The following AGRN variants were observed in gnomAD, a reference collection of about 807,000 sequenced individuals.
AGRN encodes agrin proteoglycan.
A neutral mutation model predicts 211.0 loss-of-function variants in AGRN; 106 were observed. That is an observed-to-expected ratio of 0.50 (90% confidence interval 0.43 to 0.59). The LOEUF (loss-of-function observed/expected upper bound fraction) is 0.59. AGRN is among the 20% of genes least tolerant of loss of function. The probability of loss-of-function intolerance (pLI) is 0.00; values close to 1 mark genes in which losing one functional copy is unlikely to be tolerated. For missense variants in AGRN, 3,040 were observed against 2,982.6 expected, an observed-to-expected ratio of 1.02 and a Z score of -0.45; for synonymous variants, 1,525 against 1,332.5, an observed-to-expected ratio of 1.14 and a Z score of -3.15.
Position 1,020,136 on chromosome 1 carries a change from C to G in AGRN, c.-37C>G, listed in dbSNP as rs1490587792. ...GTCCTGTCCAGTCCCGTCCCCGGCG[C>G]GGCCCGCGCGCTCCTCCGCCGCCTC... On this transcript the variant is annotated 5_prime_UTR_variant, in exon 1 of 36. Coordinates refer to ENST00000379370, the MANE Select transcript of AGRN (RefSeq NM_198576.4). 10 of 1,114,044 alleles carry G rather than the reference C, an allele frequency of 9.0e-6. No individual in the cohort carries two copies. The highest frequency in any genetic ancestry group is 1.1e-5 in the Non-Finnish European group (10 of 871,626). 69.0% of individuals were successfully genotyped at this position (1,114,044 alleles called of 1,614,324 possible).
At chr1:1,051,423 G>A in intron 31 of AGRN, 30 bp from the exon 32 acceptor site, 1 of 1,541,166 alleles carries the variant, frequency 6.5e-7, no homozygotes, top group Non-Finnish European at 8.7e-7. Flanking sequence ...GGGGTGGCAG[G>A]CGGGACAAGG....
intron 33 of AGRN, chr1:1,052,328 C>T (rs892598079): frequency 2.9e-6 from 1 of 349,476 alleles, no homozygotes; most frequent in African/African-American, 2.1e-5. Context: ...CTGTGCGTGT[C>T]TATGTATATG....
In AGRN at chr1:1,043,784, C is replaced by T. The variant is rs529233907; in HGVS notation, c.1799-39C>T. On this transcript the variant is annotated intron_variant, in intron 9 of 35. Transcript: ENST00000379370. ...GCCAGGGTCCTGTGCCTCCCTCAGC[C>T]TGGGCCTGCCGACCCCTGCCTGGCT... 5.0e-6 allele frequency: 8 copies of T among 1,606,932 alleles called. No individual in the cohort carries two copies. The South Asian group carries it at 7.7e-5, about 15-fold the overall frequency.
intron 33 of AGRN, chr1:1,052,039 CG>C: frequency 6.6e-7 from 1 of 1,506,200 alleles, no homozygotes; most frequent in Non-Finnish European, 8.9e-7. Context: ...CGGCGCCCCC[CG>C]CTCCCTCTCA....
In AGRN at chr1:1,048,926, C is replaced by T. The variant is rs775753706; in HGVS notation, c.4165C>T (p.Arg1389Cys). Residue 1389 changes from arginine to cysteine, a missense_variant, in exon 24 of 36, where the codon CGC becomes TGC. Physicochemically the swap from Arg to Cys is radical, Grantham distance 180. Transcript: ENST00000379370. This position sits in a 1 kb window ranked among gnomAD's most constrained non-coding sequence, Gnocchi z 5.9. ...GRSFLAFPTL[R>C]AYHTLRLALE... Reference sequence around the variant, plus strand: ...CTCCTTCCTGGCCTTCCCCACTCTCCGCGCCTACCACACGCTGCGCCTGGC... The same window carrying T: ...CTCCTTCCTGGCCTTCCCCACTCTCTGCGCCTACCACACGCTGCGCCTGGC... 1.0e-5 allele frequency: 16 copies of T among 1,560,594 alleles called. No individual in the cohort carries two copies. The highest frequency in any genetic ancestry group is 4.1e-5 in the African/African-American group (3 of 73,548).
chr1:1,020,511 G>C (rs555803746), intron 1 of AGRN, 138 bp downstream of exon 1: 4 of 815,160 alleles, frequency 4.9e-6, no homozygotes, highest in Admixed American at 4.4e-5. Context: ...AGCCCCGGGA[G>C]GGGGGGTCGC....
intron 2 of AGRN, among the ~76,000 whole-genome samples, chr1:1,027,511 C>T (rs4970394): frequency 0.51 from 77,838 of 152,124 alleles, 21,563 homozygotes; most frequent in East Asian, 0.82. Flanking sequence ...TCTCCTGCCC[C>T]CTGCTCACTG....
Position 1,024,583 on chromosome 1 carries a change from G to A in AGRN, c.463+2121G>A, listed in dbSNP as rs540538664. Among the ~76,000 whole-genome samples, 224 of 152,020 alleles carry A rather than the reference G, an allele frequency of 1.5e-3. 2 individuals are homozygous for A. Among genetic ancestry groups the A allele is most frequent in the Middle Eastern group, 6.8e-3 (2 of 294 alleles). ...CCATCCTGGAGACAAAGGCCCCTCC[G>A]AGCTCCCCAGGTCGGGGAGGGCCAC... On this transcript the variant is annotated intron_variant, in intron 2 of 35. Transcript: ENST00000379370.
intron 2 of AGRN, among the ~76,000 whole-genome samples, chr1:1,028,850 G>A (rs28637280): frequency 0.052 from 1,488 of 28,464 alleles, 182 homozygotes; most frequent in African/African-American, 0.096. Context: ...GGCCAAGGGC[G>A]CCCACAGCCA....
chr1:1,034,749 C>T (rs1276109939), intron 2 of AGRN: 6 of 1,009,008 alleles, frequency 5.9e-6, no homozygotes, highest in East Asian at 8.4e-5. Flanking sequence ...GCCCCAACCC[C>T]GAGGCCCCTG....
At chr1:1,040,017 A>C in intron 3 of AGRN, among the ~76,000 whole-genome samples, 1 of 152,158 alleles carries the variant, frequency 6.6e-6, no homozygotes, top group East Asian at 1.9e-4. Flanking sequence ...CACCCATCTT[A>C]GGCGCAGGGA....
At chr1:1,037,363 CAG>C (rs898323834) in intron 3 of AGRN, among the ~76,000 whole-genome samples, 20 of 152,196 alleles carry the variant, frequency 1.3e-4, no homozygotes, top group African/African-American at 4.3e-4. Context: ...CACCCTGCCA[CAG>C]AGTCACGGAG....
rs1645398478 is a variant in AGRN, at chr1:1,054,490, T to C, written c.5919T>C (p.Pro1973=). Residue 1973 remains proline (P), a synonymous_variant, in exon 35 of 36, where the codon CCT becomes CCC. Transcript: ENST00000379370. The part of the protein sequence containing the change: ...EGSLQVGNEA[P]VTGSSPLGAT... The stretch of plus-strand genomic sequence containing the variant: ...CCCTGCAGGTGGGCAATGAGGCCCC[T>C]GTGACCGGCTCCTCCCCGCTGGGCG... The C allele has an allele frequency of 6.2e-7, 1 of 1,602,610 alleles. No individual in the cohort carries two copies. The highest frequency in any genetic ancestry group is 2.2e-5 in the East Asian group (1 of 44,478).
chr1:1,021,010 C>T (rs1015052864), intron 1 of AGRN, among the ~76,000 whole-genome samples: 2 of 152,002 alleles, frequency 1.3e-5, no homozygotes, highest in East Asian at 3.9e-4. Context: ...TTCTGGGAGC[C>T]CCCGGGGTAG....
In AGRN at chr1:1,020,172, C is replaced by T. The variant is rs1644362952; in HGVS notation, c.-1C>T. 1 of 1,329,856 alleles carries T rather than the reference C, an allele frequency of 7.5e-7. No individual in the cohort carries two copies. Among genetic ancestry groups the T allele is most frequent in the African/African-American group, 1.6e-5 (1 of 64,512 alleles). 82.4% of individuals were successfully genotyped at this position (1,329,856 alleles called of 1,614,324 possible). A position where few individuals can be genotyped will look rare whatever the true frequency, so the allele number is the denominator to read the frequency against. ...CTCCTCCGCCGCCTCTCGCCTGCGCCATGGCCGGCCGGTCCCACCCGGGCC... is the reference window on the plus strand; with the variant it reads ...CTCCTCCGCCGCCTCTCGCCTGCGCTATGGCCGGCCGGTCCCACCCGGGCC... On this transcript the variant is annotated 5_prime_UTR_variant, in exon 1 of 36. Transcript: ENST00000379370.
rs545064869 is a variant in AGRN at position 1,051,108 on chromosome 1, C to G, written c.5254-145C>G. On this transcript the variant is annotated intron_variant, in intron 30 of 35. Coordinates refer to ENST00000379370, the MANE Select transcript of AGRN (RefSeq NM_198576.4). ...TCAACCCCTAGGGTAGCTCCTCCCC[C>G]ACTAAGGACCCTGCCATTTCTGTGT... is the stretch of plus-strand genomic sequence containing the variant. 27 of 1,542,118 alleles carry G rather than the reference C, an allele frequency of 1.8e-5. No individual in the cohort carries two copies. The South Asian group carries it at 2.2e-4, about 12-fold the overall frequency.
chr1:1,044,297 C>G, intron 11 of AGRN, 37 bp from the exon 12 acceptor site: 1 of 1,612,168 alleles, frequency 6.2e-7, no homozygotes, highest in Non-Finnish European at 8.5e-7. Flanking sequence ...GCGGCGGGGA[C>G]GGGGCTGCGG....
At chr1:1,053,422 T>A in intron 33 of AGRN, 1 of 1,393,740 alleles carries the variant, frequency 7.2e-7, no homozygotes, top group Non-Finnish European at 9.5e-7. Flanking sequence ...GCCCCGCCTG[T>A]CCCCTGCTCA....
chr1:1,043,903 C>T lies in AGRN; in HGVS notation c.1879C>T (p.Pro627Ser), dbSNP rs1180781232. Residue 627 changes from proline (P) to serine (S), a missense_variant, in exon 10 of 36, where the codon CCG becomes TCG. By Grantham distance (74) the Pro-to-Ser change is moderately conservative (BLOSUM62 -1). Coordinates refer to ENST00000379370, the MANE Select transcript of AGRN (RefSeq NM_198576.4). ...TGTGTGTCCCCGGTGTGAGCACCCC[C>T]CGCCCGGCCCCGTGTGTGGCAGCGA... ...QCVCPRCEHP[P>S]PGPVCGSDGV... 1 of 1,610,064 alleles carries T rather than the reference C, an allele frequency of 6.2e-7. No homozygotes were observed. Among genetic ancestry groups the T allele is most frequent in the African/African-American group, 1.3e-5 (1 of 74,732 alleles).
Sources: allele counts gnomAD v4.1 joint callset (sites outside exome capture counted in the v4.1 genomes callset), GRCh38; gene constraint gnomAD v4.1.1; non-coding constraint Gnocchi (gnomAD v3.1); transcripts MANE v1.5; gene names NCBI Gene and HGNC (gene_info 2026-07-23, HGNC 2026-07-21).